The following INSC variants were observed in gnomAD, a reference collection of about 807,000 sequenced individuals.
INSC encodes the protein INSC spindle orientation adaptor protein, also known as protein inscuteable homolog.
A neutral mutation model predicts 58.6 loss-of-function variants in INSC; 67 were observed. That is an observed-to-expected ratio of 1.14 (90% CI 0.94 to 1.40). The LOEUF (loss-of-function observed/expected upper bound fraction) is 1.40. INSC is among the 40% of genes most tolerant of loss of function. INSC has a pLI of 0.00. For synonymous variants in INSC, 262 were observed against 276.1 expected (o/e 0.95, Z 0.51); for missense variants, 714 against 692.0 (o/e 1.03, Z -0.36).
intron 1 of INSC, among the ~76,000 whole-genome samples, chr11:15,135,372 A>C (rs560702260): frequency 1.3e-5 from 2 of 152,340 alleles, no homozygotes; most frequent in East Asian, 3.9e-4. Context: ...CATGTGGCCC[A>C]TGTACCTTAT....
At chr11:15,116,849 C>CT (rs760988315) in intron 1 of INSC, among the ~76,000 whole-genome samples, 1 of 23,776 alleles carries the variant, frequency 4.2e-5, no homozygotes, top group African/African-American at 2.3e-4. Context: ...TTCTTTCTTT[C>CT]TCTCTCTCTC....
At chr11:15,125,291 A>T (rs1012724649) in intron 1 of INSC, among the ~76,000 whole-genome samples, 5 of 152,172 alleles carry the variant, frequency 3.3e-5, no homozygotes, top group Non-Finnish European at 5.9e-5. Context: ...AGGGATGGGG[A>T]GAGTTGAAGG....
chr11:15,195,010 G>A (rs11825533), intron 6 of INSC, among the ~76,000 whole-genome samples: 6,008 of 152,272 alleles, frequency 0.039, 415 homozygotes, highest in African/African-American at 0.14. Flanking sequence ...ACTGTGCTGC[G>A]TGGGTTGAGG....
intron 6 of INSC, among the ~76,000 whole-genome samples, chr11:15,192,028 TC>T (rs1294966636): frequency 6.6e-6 from 1 of 152,214 alleles, no homozygotes; most frequent in East Asian, 1.9e-4. Context: ...AAGGATTTGC[TC>T]AAGGAATACA....
chr11:15,123,661 C>T (rs1371941887), intron 1 of INSC, among the ~76,000 whole-genome samples: 2 of 152,210 alleles, frequency 1.3e-5, no homozygotes, highest in Non-Finnish European at 2.9e-5. Context: ...ATCTAATTCC[C>T]GGATGATTCT....
At chr11:15,161,371 G>A (rs1166159789) in intron 2 of INSC, among the ~76,000 whole-genome samples, 1 of 152,212 alleles carries the variant, frequency 6.6e-6, no homozygotes, top group Non-Finnish European at 1.5e-5. Flanking sequence ...AACACCAAAT[G>A]TTAAGTGAAT....
chr11:15,266,255 A>C, the INSC span, among the ~76,000 whole-genome samples: 1 of 141,744 alleles, frequency 7.1e-6, no homozygotes, highest in Non-Finnish European at 1.5e-5. Flanking sequence ...ATGTGATCTC[A>C]AAAAAAAAAA....
chr11:15,242,293 G>A (rs982003540), intron 12 of INSC, among the ~76,000 whole-genome samples: 1 of 152,172 alleles, frequency 6.6e-6, no homozygotes, highest in Non-Finnish European at 1.5e-5. Context: ...GTGAAGGAGA[G>A]CACACAGAAG....
chr11:15,147,504 T>A (rs757719637), intron 1 of INSC, among the ~76,000 whole-genome samples: 1 of 152,242 alleles, frequency 6.6e-6, no homozygotes, highest in South Asian at 2.1e-4. Flanking sequence ...TCTCATGTCA[T>A]CCTTATACTA....
chr11:15,253,419 G>A, the INSC span, among the ~76,000 whole-genome samples: 3 of 152,104 alleles, frequency 2.0e-5, no homozygotes, highest in Admixed American at 1.3e-4. Flanking sequence ...GCCCTCGGAC[G>A]ACCCACAGCT....
At chr11:15,146,312 C>T (rs1848489946) in intron 1 of INSC, among the ~76,000 whole-genome samples, 1 of 152,198 alleles carries the variant, frequency 6.6e-6, no homozygotes, top group South Asian at 2.1e-4. Context: ...GTCTTTGGGT[C>T]AGGACTGTTC....
chr11:15,204,571 G>A (rs973359454), intron 7 of INSC, among the ~76,000 whole-genome samples: 1 of 152,208 alleles, frequency 6.6e-6, no homozygotes, highest in Admixed American at 6.5e-5. Flanking sequence ...GCTCTGGTGA[G>A]GTTGGCCATT....
At chr11:15,260,096 G>A in the INSC span, among the ~76,000 whole-genome samples, 2 of 152,120 alleles carry the variant, frequency 1.3e-5, no homozygotes, top group Non-Finnish European at 2.9e-5. Context: ...CAGTGGAGAG[G>A]ATCTTACCCA....
At chr11:15,251,886 G>T (rs1363372240), downstream of INSC, among the ~76,000 whole-genome samples, 1 of 152,160 alleles carries the variant, frequency 6.6e-6, no homozygotes, top group African/African-American at 2.4e-5. Context: ...CATGGTATAT[G>T]TTCAAAAGAA....
rs145958639 is a variant in INSC at position 15,225,039 on chromosome 11, G to A, written c.992-611G>A. ...TAGCAGCAGGCTAGTGTGCATTACC[G>A]GAGACACACATGGACTGAGAGCTCC... is the stretch of plus-strand genomic sequence containing the variant. On this transcript the variant is annotated intron_variant, in intron 8 of 12. Transcript: ENST00000379556. 1.5e-4 allele frequency among the ~76,000 whole-genome samples: 23 copies of A among 152,192 alleles called. No homozygotes were observed. The East Asian group carries it at 2.5e-3, about 17-fold the overall frequency.
intron 5 of INSC, among the ~76,000 whole-genome samples, chr11:15,189,718 G>A (rs1850096358): frequency 6.6e-6 from 1 of 152,198 alleles, no homozygotes; most frequent in Non-Finnish European, 1.5e-5. Flanking sequence ...ACCCAGGTCT[G>A]GAGGTCTTAC....
chr11:15,236,055 CAA>C (rs66649068), intron 10 of INSC, among the ~76,000 whole-genome samples: 3,012 of 98,854 alleles, frequency 0.03, 60 homozygotes, highest in African/African-American at 0.084. Flanking sequence ...GACTCTGTCT[CAA>C]AAAAAAAAAA....
chr11:15,225,584 C>G, intron 8 of INSC, 66 bp from the exon 9 acceptor site: 4 of 1,495,496 alleles, frequency 2.7e-6, no homozygotes, highest in Non-Finnish European at 3.6e-6. Flanking sequence ...ATTGTGTGAA[C>G]CAAATGAGAC....
At chr11:15,147,708 C>G (rs940453005) in intron 1 of INSC, among the ~76,000 whole-genome samples, 15 of 152,200 alleles carry the variant, frequency 9.9e-5, no homozygotes, top group Admixed American at 7.2e-4. Context: ...GTAAGCTCCA[C>G]AGACCAAGAA....
Sources: gnomAD v4.1 joint callset for allele counts (sites outside exome capture counted in the v4.1 genomes callset) on GRCh38, gnomAD v4.1.1 for gene constraint, MANE v1.5 for transcripts, NCBI Gene and HGNC (gene_info 2026-07-23, HGNC 2026-07-21) for gene names.